The following LRRC8A variants were observed in gnomAD, a reference collection of about 807,000 sequenced individuals.
LRRC8A encodes leucine rich repeat containing 8 VRAC subunit A.
LRRC8A carries 24 observed loss-of-function variants against 52.5 expected under a neutral mutation model. The observed-to-expected ratio is 0.46, with a 90% CI of 0.33 to 0.64. The LOEUF is 0.64. Among genes scored for constraint, LRRC8A ranks in the 30% least tolerant of loss-of-function variants. The pLI is 0.02. For synonymous variants in LRRC8A, 492 were observed against 494.2 expected (o/e 1.00, Z 0.06); for missense variants, 677 against 1,094.7 (o/e 0.62, Z 5.38).
rs201084502 is a variant in LRRC8A, at chr9:128,907,394, C to G, written c.230C>G (p.Pro77Arg). ...TTCCGGGGCTGGGCAGCCCCTGGCCCGGAGCCCACCTACCCCAACTCCACC... is the reference window on the plus strand; with the variant it reads ...TTCCGGGGCTGGGCAGCCCCTGGCCGGGAGCCCACCTACCCCAACTCCACC... ...DSFRGWAAPGPEPTYPNSTIL... is the reference protein window; with the variant it reads ...DSFRGWAAPGREPTYPNSTIL... The change falls in exon 3 of 4, where the codon CCG becomes CGG. Residue 77 changes from proline (P) to arginine (R), a missense_variant. Around this residue, in one of 4 missense-constraint regions of LRRC8A, gnomAD observed 54 missense variants for 49.7 expected, o/e 1.09. Transcript: ENST00000372600. This position sits in a 1 kb window ranked among gnomAD's most constrained non-coding sequence, Gnocchi z 9.3. 34 of 1,613,362 alleles carry G rather than the reference C, an allele frequency of 2.1e-5. No homozygotes were observed. In the East Asian group the frequency reaches 7.4e-4, roughly 35 times the overall value.
rs1393587161 is a variant in LRRC8A at position 128,897,541 on chromosome 9, A to AT, written c.-8-9613dup. ...CTATTCTTGATCCTTTGAGATCGTGATTTAAAAAAAAATTTTTTTTTTGAG... is the reference window on the plus strand; with the variant it reads ...CTATTCTTGATCCTTTGAGATCGTGATTTTAAAAAAAAATTTTTTTTTTGAG... On this transcript the variant is annotated intron_variant, in intron 2 of 3. Coordinates refer to ENST00000372600, the MANE Select transcript of LRRC8A (RefSeq NM_019594.4). Among the ~76,000 whole-genome samples, 58 of 151,928 alleles carry AT rather than the reference A, an allele frequency of 3.8e-4. 1 individual carries two copies. The highest frequency in any genetic ancestry group is 3.7e-3 in the Admixed American group (56 of 15,246).
chr9:128,891,387 C>T (rs1839611984), intron 2 of LRRC8A, among the ~76,000 whole-genome samples: 1 of 152,040 alleles, frequency 6.6e-6, no homozygotes, highest in South Asian at 2.1e-4. Context: ...AACATAACAA[C>T]CTATCTCTAC....
intron 2 of LRRC8A, among the ~76,000 whole-genome samples, chr9:128,890,167 T>TGTGTGTGC (rs1554821412): frequency 2.6e-5 from 4 of 151,086 alleles, no homozygotes; most frequent in Non-Finnish European, 5.9e-5. Flanking sequence ...TGTGTGTGTG[T>TGTGTGTGC]GTGCTGGGAA....
In LRRC8A at chr9:128,904,100, C is replaced by G. The variant is rs573579310; in HGVS notation, c.-8-3057C>G. ...CAGTAATCAAAGAAAGGTGGCCCAT[C>G]ATCTGGGCACCCCTGTTCCTCTCCT... On this transcript the variant is annotated intron_variant, in intron 2 of 3. Coordinates refer to ENST00000372600, the MANE Select transcript of LRRC8A (RefSeq NM_019594.4). Among the ~76,000 whole-genome samples the G allele has an allele frequency of 9.9e-5, 15 of 152,278 alleles. No homozygotes were observed. The East Asian group carries it at 1.4e-3, about 14-fold the overall frequency.
rs371206145 is a variant in LRRC8A at position 128,909,163 on chromosome 9, C to T, written c.1999C>T (p.Leu667Phe). 6.2e-7 allele frequency: 1 copy of T among 1,614,184 alleles called. No individual in the cohort carries two copies. Among genetic ancestry groups the T allele is most frequent in the Non-Finnish European group, 8.5e-7 (1 of 1,180,048 alleles). ...QIGNLTNLER[L>F]YLNRNKIEKI... ...CGGCAACCTCACCAACCTGGAGCGC[C>T]TCTACCTGAACCGCAACAAGATCGA... The change falls in exon 3 of 4, where the codon CTC (leucine) becomes TTC (phenylalanine). Residue 667 changes from leucine (L) to phenylalanine (F), a missense_variant. Leu to Phe is a conservative substitution (Grantham distance 22, BLOSUM62 0). Around this residue, in one of 4 missense-constraint regions of LRRC8A, gnomAD observed 169 missense variants for 217.6 expected, o/e 0.78. Transcript: ENST00000372600.
chr9:128,907,132 C>A lies in LRRC8A; in HGVS notation c.-8-25C>A, dbSNP rs1396393087. On this transcript the variant is annotated intron_variant, in intron 2 of 3. Transcript: ENST00000372600. The surrounding 1 kb of genome is among the most constrained non-coding windows in gnomAD (Gnocchi z 9.3). ...GGAAAGCCAGGCCACCCTGTGCTAA[C>A]CCCCCTCCTATGGCTCCCTTTTAGG... is the stretch of plus-strand genomic sequence containing the variant. 4 of 1,571,966 alleles carry A rather than the reference C, an allele frequency of 2.5e-6. No individual in the cohort carries two copies. In the African/African-American group the frequency reaches 4.0e-5, roughly 16 times the overall value.
chr9:128,909,476 C>T (rs1010336808), intron 3 of LRRC8A, among the ~76,000 whole-genome samples, 155 bp downstream of exon 3: 4 of 152,222 alleles, frequency 2.6e-5, no homozygotes, highest in Admixed American at 2.6e-4. Flanking sequence ...AGGATAGAAG[C>T]TCTGTTCAAG....
rs1289176202 is a variant in LRRC8A at position 128,892,473 on chromosome 9, C to G, written c.-9+6352C>G. Among the ~76,000 whole-genome samples, 1 of 152,204 alleles carries G rather than the reference C, an allele frequency of 6.6e-6. No individual in the cohort carries two copies. Among genetic ancestry groups the G allele is most frequent in the Non-Finnish European group, 1.5e-5 (1 of 68,010 alleles). On this transcript the variant is annotated intron_variant, in intron 2 of 3. Coordinates refer to ENST00000372600, the MANE Select transcript of LRRC8A (RefSeq NM_019594.4). This position sits in a 1 kb window ranked among gnomAD's most constrained non-coding sequence, Gnocchi z 5.2. ...GAGAGCAGTTTGGAACTGACCCGTG[C>G]TCCCCTCCCCCTCCAGCCCTGGCGT...
chr9:128,882,536 C>A (rs1399406938), intron 1 of LRRC8A: 1 of 396,018 alleles, frequency 2.5e-6, no homozygotes, highest in African/African-American at 2.1e-5. Context: ...GCCTCGGCTC[C>A]CCCATGTCCC....
chr9:128,912,063 C>T (rs1381259526), intron 3 of LRRC8A, among the ~76,000 whole-genome samples: 1 of 152,208 alleles, frequency 6.6e-6, no homozygotes, highest in Non-Finnish European at 1.5e-5. Flanking sequence ...CACTCGTTTA[C>T]TGATGTGTGC....
chr9:128,882,215 G>C lies in LRRC8A; in HGVS notation c.-151G>C, dbSNP rs963510380. ...GCGGGACGGAGCGGCCGGGGCCTGG[G>C]GCTGCCTGCCGGGCGGCCGGGCGCG... On this transcript the variant is annotated 5_prime_UTR_variant, in exon 1 of 4. Coordinates refer to ENST00000372600, the MANE Select transcript of LRRC8A (RefSeq NM_019594.4). The C allele has an allele frequency of 1.3e-5, 2 of 153,276 alleles. No homozygotes were observed. Among genetic ancestry groups the C allele is most frequent in the African/African-American group, 2.4e-5 (1 of 41,438 alleles). The allele number at this position is 153,276 out of a possible 1,614,324, so 9.5% of individuals were successfully genotyped here.
At chr9:128,915,804 T>G (rs1400582545) in intron 3 of LRRC8A, among the ~76,000 whole-genome samples, 7 of 152,048 alleles carry the variant, frequency 4.6e-5, no homozygotes, top group Admixed American at 4.6e-4. Flanking sequence ...GCAGGTCTCA[T>G]CCTTAGAGCC....
At chr9:128,882,954 A>C (rs1308131892) in intron 1 of LRRC8A, 1 of 396,192 alleles carries the variant, frequency 2.5e-6, no homozygotes, top group East Asian at 3.6e-5. Flanking sequence ...CTGAAGGGGC[A>C]TAGCTGGGGT....
chr9:128,913,383 C>A (rs1034057228), intron 3 of LRRC8A, among the ~76,000 whole-genome samples: 1 of 152,068 alleles, frequency 6.6e-6, no homozygotes, highest in Admixed American at 6.6e-5. Flanking sequence ...CGATGGGGAC[C>A]CACTGAAGTC....
chr9:128,911,323 C>T lies in LRRC8A; in HGVS notation c.2157+2002C>T, dbSNP rs762286711. On this transcript the variant is annotated intron_variant, in intron 3 of 3. Coordinates refer to ENST00000372600, the MANE Select transcript of LRRC8A (RefSeq NM_019594.4). The surrounding 1 kb of genome is among the most constrained non-coding windows in gnomAD (Gnocchi z 4.9). ...ATTTTGACAAGTCCTTATCTCCGGC[C>T]ACCCCATATTATGACTTGAGCACAG... Among the ~76,000 whole-genome samples, 2 of 152,210 alleles carry T rather than the reference C, an allele frequency of 1.3e-5. No homozygotes were observed. The highest frequency in any genetic ancestry group is 2.4e-5 in the African/African-American group (1 of 41,450).
Position 128,916,588 on chromosome 9 carries a change from T to C in LRRC8A, c.*217T>C, listed in dbSNP as rs2131076777. 1 of 608,160 alleles carries C rather than the reference T, an allele frequency of 1.6e-6. No homozygotes were observed. The highest frequency in any genetic ancestry group is 2.8e-5 in the East Asian group (1 of 35,582). 37.7% of individuals were successfully genotyped at this position (608,160 alleles called of 1,614,324 possible). ...TGAGACTCACGTCCCCCAGGGCAAG[T>C]GCTTGTGGAGGAGAGCAAGTCTCAA... On this transcript the variant is annotated 3_prime_UTR_variant, in exon 4 of 4. Transcript: ENST00000372600. This position sits in a 1 kb window ranked among gnomAD's most constrained non-coding sequence, Gnocchi z 6.1.
chr9:128,904,256 C>A (rs900687643), intron 2 of LRRC8A, among the ~76,000 whole-genome samples: 1 of 152,160 alleles, frequency 6.6e-6, no homozygotes, highest in Non-Finnish European at 1.5e-5. Flanking sequence ...TGGTGACTCA[C>A]ACCTATAATC....
chr9:128,908,646 C>T lies in LRRC8A; in HGVS notation c.1482C>T (p.Asn494=), dbSNP rs751186937. The change falls in exon 3 of 4, where the codon AAC becomes AAT. Residue 494 remains asparagine (N), a synonymous_variant. Coordinates refer to ENST00000372600, the MANE Select transcript of LRRC8A (RefSeq NM_019594.4). ...CCGCGCTGGCCTTCCTGCGTGAGAA[C>T]CTGCGGGCGCTGCACATCAAGTTCA... The part of the protein sequence containing the change: ...EAPALAFLRE[N]LRALHIKFTD... 6 of 1,612,782 alleles carry T rather than the reference C, an allele frequency of 3.7e-6. No individual in the cohort carries two copies. In the South Asian group the frequency reaches 6.6e-5, roughly 18 times the overall value.
intron 2 of LRRC8A, among the ~76,000 whole-genome samples, chr9:128,889,710 G>C (rs1219404500): frequency 6.6e-6 from 1 of 151,902 alleles, no homozygotes; most frequent in Admixed American, 6.6e-5. Flanking sequence ...GGCCATGGCT[G>C]GTCTCGATCT....
Sources: gnomAD v4.1 joint callset for allele counts (sites outside exome capture counted in the v4.1 genomes callset) on GRCh38, gnomAD v4.1.1 for gene constraint, gnomAD v4.1.1 regional missense constraint, Gnocchi (gnomAD v3.1) non-coding constraint, MANE v1.5 for transcripts, NCBI Gene and HGNC (gene_info 2026-07-23, HGNC 2026-07-21) for gene names.